Variants in CCNYL1 observed in about 807,000 individuals in gnomAD.
CCNYL1 encodes the protein cyclin-Y-like protein 1.
CCNYL1 carries 16 observed loss-of-function variants against 44.2 expected under a neutral mutation model. That is an observed-to-expected ratio of 0.36 (90% CI 0.25 to 0.55). CCNYL1 has a LOEUF of 0.55. CCNYL1 is among the 20% of genes least tolerant of loss of function. CCNYL1 has a pLI of 0.85. For missense variants in CCNYL1, 348 were observed against 451.8 expected, an observed-to-expected ratio of 0.77 and a Z score of 2.08; for synonymous variants, 159 against 163.2, an observed-to-expected ratio of 0.97 and a Z score of 0.20.
At chr2:207,744,039 T>C (rs2091833695) in intron 7 of CCNYL1, among the ~76,000 whole-genome samples, 1 of 151,974 alleles carries the variant, frequency 6.6e-6, no homozygotes, top group Non-Finnish European at 1.5e-5. Context: ...CAGGTAGTGG[T>C]AAGTAGCAAG....
chr2:207,750,753 A>T, intron 8 of CCNYL1: 1 of 484,328 alleles, frequency 2.1e-6, no homozygotes, highest in Non-Finnish European at 3.6e-6. Context: ...TTCAACCTTC[A>T]TCCCAGTTCC....
In CCNYL1 at chr2:207,740,840, T is replaced by C. The variant is rs140052618; in HGVS notation, c.519+134T>C. Reference sequence around the variant, plus strand: ...AATTAGAAAACAATTTAAATTTAAATCAATTAAAATGGTGTAAACATTTAA... The same window carrying C: ...AATTAGAAAACAATTTAAATTTAAACCAATTAAAATGGTGTAAACATTTAA... On this transcript the variant is annotated intron_variant, in intron 6 of 9. Coordinates refer to ENST00000295414, the MANE Select transcript of CCNYL1 (RefSeq NM_001330218.2). The C allele has an allele frequency of 1.0e-3, 636 of 631,976 alleles. 7 individuals are homozygous for C. In the East Asian group the frequency reaches 0.017, roughly 17 times the overall value. The allele number at this position is 631,976 out of a possible 1,614,324, so 39.1% of individuals were successfully genotyped here. A position where few individuals can be genotyped will look rare whatever the true frequency, so the allele number is the denominator to read the frequency against.
intron 1 of CCNYL1, among the ~76,000 whole-genome samples, chr2:207,719,475 A>G (rs1326989242): frequency 6.6e-6 from 1 of 151,698 alleles, no homozygotes; most frequent in Non-Finnish European, 1.5e-5. Context: ...TAATTTTTAT[A>G]TTTTTAGTAG....
rs112476068 is a variant in CCNYL1, at chr2:207,714,418, T to A, written c.220+2302T>A. ...CTCAAGCAGTCCTCCCACCTCAGCC[T>A]CCTGAATAGCTGGGACCACGGGCGT... is the stretch of plus-strand genomic sequence containing the variant. On this transcript the variant is annotated intron_variant, in intron 1 of 9. Transcript: ENST00000295414. 1.0e-3 allele frequency: 419 copies of A among 406,342 alleles called. 2 individuals carry two copies. The highest frequency in any genetic ancestry group is 8.3e-3 in the Middle Eastern group (10 of 1,200). 25.2% of individuals were successfully genotyped at this position (406,342 alleles called of 1,614,324 possible). A position where few individuals can be genotyped will look rare whatever the true frequency, so the allele number is the denominator to read the frequency against.
intron 9 of CCNYL1, among the ~76,000 whole-genome samples, chr2:207,752,805 G>C (rs1447491260): frequency 6.9e-6 from 1 of 144,702 alleles, no homozygotes; most frequent in Non-Finnish European, 1.5e-5. Context: ...GGGAGGCCGA[G>C]GCAGGCGGGA....
At chr2:207,737,379 T>C (rs776552515) in intron 4 of CCNYL1, 32 bp from the exon 5 acceptor site, 68 of 1,541,822 alleles carry the variant, frequency 4.4e-5, no homozygotes, top group Non-Finnish European at 6.1e-5. Flanking sequence ...TTTAAATCAG[T>C]TGTTAAAAAT....
At chr2:207,744,265 C>T (rs1255626206) in intron 7 of CCNYL1, among the ~76,000 whole-genome samples, 1 of 150,750 alleles carries the variant, frequency 6.6e-6, no homozygotes, top group African/African-American at 2.5e-5. Context: ...GAACAAACAG[C>T]AAGGTGTCCC....
At chr2:207,745,766 T>C (rs1230986511) in intron 7 of CCNYL1, among the ~76,000 whole-genome samples, 3 of 152,146 alleles carry the variant, frequency 2.0e-5, no homozygotes, top group African/African-American at 4.8e-5. Context: ...CTGGCCAACA[T>C]GGTGAAACCC....
Position 207,734,047 on chromosome 2 carries a change from G to A in CCNYL1, c.431G>A (p.Cys144Tyr). The A allele has an allele frequency of 6.2e-7, 1 of 1,602,504 alleles. No homozygotes were observed. Among genetic ancestry groups the A allele is most frequent in the Non-Finnish European group, 8.5e-7 (1 of 1,169,596 alleles). The change falls in exon 4 of 10, where the codon TGT becomes TAT. Residue 144 changes from cysteine (C) to tyrosine (Y), a missense_variant and splice_region_variant. By Grantham distance (194) the Cys-to-Tyr change is radical. This residue lies in a region of CCNYL1 where 209 missense variants were observed against 247.7 expected (regional missense o/e 0.84). Coordinates refer to ENST00000295414, the MANE Select transcript of CCNYL1 (RefSeq NM_001330218.2). ...CCTAATCTTAGAACCACAGTAAAAT[G>A]GTGAGTACAACTAGGCTGCCAAGGG... ...SQPNLRTTVKCVTLAIYYHIK... is the reference protein window; with the variant it reads ...SQPNLRTTVKYVTLAIYYHIK...
At chr2:207,728,301 G>T (rs1240309707) in intron 3 of CCNYL1, among the ~76,000 whole-genome samples, 2 of 148,298 alleles carry the variant, frequency 1.3e-5, no homozygotes, top group Non-Finnish European at 3.0e-5. Flanking sequence ...TTTGAGACAG[G>T]GTCTCACTCT....
chr2:207,724,958 A>C, intron 2 of CCNYL1, 84 bp downstream of exon 2: 1 of 1,044,710 alleles, frequency 9.6e-7, no homozygotes, highest in South Asian at 1.6e-5. Flanking sequence ...AGGTATTTAG[A>C]AGAACTGATG....
intron 1 of CCNYL1, among the ~76,000 whole-genome samples, chr2:207,716,339 CTTTTT>C (rs34650916): frequency 7.7e-6 from 1 of 129,688 alleles, no homozygotes; most frequent in Non-Finnish European, 1.7e-5. Flanking sequence ...TAAGCCCTCT[CTTTTT>C]TTTTTTTTTT....
At chr2:207,728,906 C>T (rs1458737755) in intron 3 of CCNYL1, among the ~76,000 whole-genome samples, 1 of 152,062 alleles carries the variant, frequency 6.6e-6, no homozygotes, top group Non-Finnish European at 1.5e-5. Flanking sequence ...AAGCAATTCT[C>T]CTGCCTTAGC....
chr2:207,734,508 C>A (rs1427114287), intron 4 of CCNYL1, among the ~76,000 whole-genome samples: 2 of 152,216 alleles, frequency 1.3e-5, no homozygotes, highest in African/African-American at 4.8e-5. Flanking sequence ...CGTGCATGAG[C>A]ACCTCTTGGG....
intron 7 of CCNYL1, among the ~76,000 whole-genome samples, chr2:207,744,924 T>C (rs1309140632): frequency 2.6e-5 from 4 of 152,156 alleles, no homozygotes; most frequent in Non-Finnish European, 5.9e-5. Flanking sequence ...TGGTGTGGGA[T>C]AACTTGAATG....
At chr2:207,752,049 T>A (rs1224990717) in intron 9 of CCNYL1, among the ~76,000 whole-genome samples, 2 of 151,986 alleles carry the variant, frequency 1.3e-5, no homozygotes, top group Non-Finnish European at 2.9e-5. Context: ...AAAAAAAAAT[T>A]TTTTCTTTGC....
Position 207,737,305 on chromosome 2 carries a change from T to C in CCNYL1, c.432-106T>C, listed in dbSNP as rs534092715. The C allele has an allele frequency of 1.5e-5, 12 of 815,372 alleles. No homozygotes were observed. In the East Asian group the frequency reaches 2.9e-4, roughly 20 times the overall value. 50.5% of individuals were successfully genotyped at this position (815,372 alleles called of 1,614,324 possible). On this transcript the variant is annotated intron_variant, in intron 4 of 9. Transcript: ENST00000295414. ...TGGTACTGTTCTGAACTAGAGGATT[T>C]CAGGGCCGCTAGGAGGGTTCCTCCC... is the stretch of plus-strand genomic sequence containing the variant.
At chr2:207,725,997 G>A (rs1454733391) in intron 2 of CCNYL1, among the ~76,000 whole-genome samples, 3 of 152,190 alleles carry the variant, frequency 2.0e-5, no homozygotes, top group Non-Finnish European at 4.4e-5. Context: ...TGTGGACTTT[G>A]TCTTGAGCTG....
chr2:207,734,162 G>T (rs536994544), intron 4 of CCNYL1, 115 bp downstream of exon 4: 1 of 601,912 alleles, frequency 1.7e-6, no homozygotes, highest in African/African-American at 1.9e-5. Flanking sequence ...ATGAGTTTAA[G>T]AAATCGGTGT....
Sources: gnomAD v4.1 joint callset for allele counts (sites outside exome capture counted in the v4.1 genomes callset) on GRCh38, gnomAD v4.1.1 for gene constraint, gnomAD v4.1.1 regional missense constraint, MANE v1.5 for transcripts, NCBI Gene and HGNC (gene_info 2026-07-23, HGNC 2026-07-21) for gene names.